Variants in RAPGEF2 observed in about 807,000 individuals in gnomAD.
The protein encoded by RAPGEF2 is Rap guanine nucleotide exchange factor 2.
In RAPGEF2, 54 loss-of-function variants were observed where a neutral mutation model predicts 186.7. That is an observed-to-expected ratio of 0.29 (90% confidence interval 0.23 to 0.36). The LOEUF (loss-of-function observed/expected upper bound fraction) is 0.36. RAPGEF2 is among the 10% of genes least tolerant of loss of function. RAPGEF2 has a pLI of 1.00. For missense variants in RAPGEF2, 1,532 were observed against 2,045.0 expected (o/e 0.75, Z 4.84); for synonymous variants, 712 against 705.9 (o/e 1.01, Z -0.14).
At position 159,191,420 on chromosome 4, in the gene RAPGEF2, A is replaced by G. The variant is rs550170226; in HGVS notation, c.141-1780A>G. 3.3e-5 allele frequency among the ~76,000 whole-genome samples: 5 copies of G among 152,112 alleles called. No individual in the cohort carries two copies. In the South Asian group the frequency reaches 1.0e-3, roughly 32 times the overall value. ...GACCAAATGATGGAGGAGTGGGGAA[A>G]GGGGTGAGAAAATAGAGATAGAATA... On this transcript the variant is annotated intron_variant, in intron 2 of 29. Transcript: ENST00000691494.
intron 7 of RAPGEF2, among the ~76,000 whole-genome samples, chr4:159,265,602 C>T (rs1757340980): frequency 6.6e-6 from 1 of 152,026 alleles, no homozygotes; most frequent in Admixed American, 6.6e-5. Context: ...GTCTTTATGC[C>T]AGGAGCAGTG....
chr4:159,194,263 G>A (rs925535176), intron 3 of RAPGEF2, among the ~76,000 whole-genome samples: 1 of 152,168 alleles, frequency 6.6e-6, no homozygotes, highest in Admixed American at 6.5e-5. Context: ...TGTGGGTCAG[G>A]GTGGTAAGTC....
chr4:159,292,248 C>G (rs1222174611), intron 7 of RAPGEF2, among the ~76,000 whole-genome samples: 1 of 152,264 alleles, frequency 6.6e-6, no homozygotes, highest in Non-Finnish European at 1.5e-5. Flanking sequence ...CTCTCCTTGT[C>G]AGAGCTTGTA....
At chr4:159,298,259 T>C (rs1159073712) in intron 7 of RAPGEF2, among the ~76,000 whole-genome samples, 2 of 152,144 alleles carry the variant, frequency 1.3e-5, no homozygotes, top group Non-Finnish European at 2.9e-5. Flanking sequence ...ATTAGCAAAA[T>C]AAATTTTATA....
At chr4:159,218,204 A>G (rs1259401085) in intron 4 of RAPGEF2, among the ~76,000 whole-genome samples, 1 of 152,194 alleles carries the variant, frequency 6.6e-6, no homozygotes, top group Non-Finnish European at 1.5e-5. Flanking sequence ...TTCACGTAAG[A>G]TTTACTTTCA....
Position 159,358,236 on chromosome 4 carries a change from G to C in RAPGEF2, c.*97G>C. The C allele has an allele frequency of 7.6e-7, 1 of 1,322,232 alleles. No individual in the cohort carries two copies. The allele number at this position is 1,322,232 out of a possible 1,614,324, so 81.9% of individuals were successfully genotyped here. On this transcript the variant is annotated 3_prime_UTR_variant, in exon 30 of 30. Transcript: ENST00000691494. ...GCCTTGGAACTCACATTCTGAGGAC[G>C]GTGGACCAGTTTGCCTCCTTCCCTG...
Position 159,314,573 on chromosome 4 carries a change from TTG to T in RAPGEF2, c.676-8_676-7del, listed in dbSNP as rs747907965. 45 of 1,582,502 alleles carry T rather than the reference TTG, an allele frequency of 2.8e-5. No homozygotes were observed. The highest frequency in any genetic ancestry group is 3.3e-5 in the Non-Finnish European group (39 of 1,169,738). On this transcript the variant is annotated splice_polypyrimidine_tract_variant and intron_variant, in intron 8 of 29. Transcript: ENST00000691494. ...ATTTACTTAAAATAGTTTTTAATTT[TTG>T]TGTGTGTGTCTTAAGGCCACAGAAA...
chr4:159,295,877 A>G (rs1385481238), intron 7 of RAPGEF2, among the ~76,000 whole-genome samples: 3 of 152,116 alleles, frequency 2.0e-5, no homozygotes, highest in Admixed American at 6.5e-5. Flanking sequence ...AGCCACCTTA[A>G]TCTTTTATAT....
chr4:159,159,173 G>T (rs141266568), intron 1 of RAPGEF2, among the ~76,000 whole-genome samples: 1 of 152,080 alleles, frequency 6.6e-6, no homozygotes, highest in African/African-American at 2.4e-5. Context: ...GGTTTGCAGC[G>T]CCCGTCCACA....
intron 20 of RAPGEF2, among the ~76,000 whole-genome samples, chr4:159,342,568 T>A (rs144010633): frequency 0.031 from 3,787 of 122,644 alleles, 69 homozygotes; most frequent in African/African-American, 0.051. Flanking sequence ...TTTATTTTAT[T>A]TTATTTTATT....
chr4:159,225,637 T>C (rs1279633676), intron 4 of RAPGEF2, among the ~76,000 whole-genome samples: 1 of 152,230 alleles, frequency 6.6e-6, no homozygotes, highest in African/African-American at 2.4e-5. Flanking sequence ...CACATCCTTG[T>C]CAACACTTGG....
At chr4:159,220,387 G>A (rs1184271866) in intron 4 of RAPGEF2, among the ~76,000 whole-genome samples, 1 of 152,046 alleles carries the variant, frequency 6.6e-6, no homozygotes, top group East Asian at 1.9e-4. Flanking sequence ...GGTGGGGGAG[G>A]TGTTAGCTTT....
intron 10 of RAPGEF2, 133 bp downstream of exon 10, chr4:159,322,616 A>C (rs1765369874): frequency 1.5e-6 from 1 of 679,134 alleles, no homozygotes; most frequent in African/African-American, 1.8e-5. Context: ...TTCAAGAATT[A>C]TGGTACACCT....
chr4:159,154,979 A>G (rs761776935), intron 1 of RAPGEF2, among the ~76,000 whole-genome samples: 5 of 152,220 alleles, frequency 3.3e-5, no homozygotes, highest in Non-Finnish European at 7.4e-5. Flanking sequence ...ACCACTTTTT[A>G]AGTAGCTTAC....
chr4:159,230,912 A>G (rs967555015), intron 4 of RAPGEF2, among the ~76,000 whole-genome samples: 4 of 152,168 alleles, frequency 2.6e-5, no homozygotes, highest in Non-Finnish European at 4.4e-5. Flanking sequence ...TACTGAGTTT[A>G]TATTGGTAAT....
chr4:159,267,337 T>C (rs1481200838), intron 7 of RAPGEF2: 1 of 1,287,946 alleles, frequency 7.8e-7, no homozygotes, highest in Non-Finnish European at 1.0e-6. Context: ...ATTATATTGG[T>C]GTATTGCATT....
At chr4:159,302,778 A>C (rs1480667228) in intron 7 of RAPGEF2, among the ~76,000 whole-genome samples, 3 of 151,300 alleles carry the variant, frequency 2.0e-5, no homozygotes, top group Non-Finnish European at 4.4e-5. Context: ...TATTTTTTTT[A>C]CTTTTTATTT....
chr4:159,357,944 T>G (rs1301745856), intron 29 of RAPGEF2, among the ~76,000 whole-genome samples, 170 bp from the exon 30 acceptor site: 3 of 151,996 alleles, frequency 2.0e-5, no homozygotes, highest in Non-Finnish European at 4.4e-5. Flanking sequence ...ATTTTAACCT[T>G]TTTGTTGTTC....
intron 1 of RAPGEF2, among the ~76,000 whole-genome samples, chr4:159,122,031 T>A (rs1212179249): frequency 3.8e-5 from 3 of 79,276 alleles, no homozygotes; most frequent in Non-Finnish European, 6.3e-5. Flanking sequence ...AGAGCAAGAC[T>A]CCATCTCAAA....
Sources: allele counts gnomAD v4.1 joint callset (sites outside exome capture counted in the v4.1 genomes callset), GRCh38; gene constraint gnomAD v4.1.1; transcripts MANE v1.5; gene names NCBI Gene and HGNC (gene_info 2026-07-23, HGNC 2026-07-21).